Variants in CACNA1C observed in about 807,000 individuals in gnomAD.
CACNA1C encodes the protein calcium voltage-gated channel subunit alpha1 C.
CACNA1C carries 30 observed loss-of-function variants against 229.0 expected under a neutral mutation model. That is an observed-to-expected ratio of 0.13 (90% CI 0.10 to 0.18). The LOEUF (loss-of-function observed/expected upper bound fraction) is 0.18, where lower values mean the gene tolerates loss of function less well. CACNA1C is among the 10% of genes least tolerant of loss of function. CACNA1C has a pLI of 1.00. For missense variants in CACNA1C, 1,658 were observed against 2,845.0 expected (o/e 0.58, Z 9.49); for synonymous variants, 1,114 against 1,132.5 (o/e 0.98, Z 0.33).
Position 2,666,908 on chromosome 12 carries a change from C to A in CACNA1C, c.4623+126C>A. 1 of 675,654 alleles carries A rather than the reference C, an allele frequency of 1.5e-6. No homozygotes were observed. 41.9% of individuals were successfully genotyped at this position (675,654 alleles called of 1,614,324 possible). ...GCCTAAAGATTACATTTTAAGGGTC[C>A]TTCCAGCTCTAAATTCTCAGACTCT... On this transcript the variant is annotated intron_variant, in intron 37 of 46. Coordinates refer to ENST00000399655, the MANE Select transcript of CACNA1C (RefSeq NM_000719.7). This position sits in a 1 kb window ranked among gnomAD's most constrained non-coding sequence, Gnocchi z 5.3.
chr12:2,213,757 C>T (rs1409517601), intron 3 of CACNA1C, among the ~76,000 whole-genome samples: 2 of 152,222 alleles, frequency 1.3e-5, no homozygotes, highest in African/African-American at 2.4e-5. Flanking sequence ...ACGGAGGCAG[C>T]GTTGACAAGG....
Position 2,488,968 on chromosome 12 carries a change from G to T in CACNA1C, c.916+2706G>T, listed in dbSNP as rs1597844926. Among the ~76,000 whole-genome samples, 2 of 152,312 alleles carry T rather than the reference G, an allele frequency of 1.3e-5. No homozygotes were observed. Among genetic ancestry groups the T allele is most frequent in the East Asian group, 3.9e-4 (2 of 5,176 alleles). On this transcript the variant is annotated intron_variant, in intron 6 of 46. Transcript: ENST00000399655. The surrounding 1 kb of genome is among the most constrained non-coding windows in gnomAD (Gnocchi z 4.0). ...ACAGAGTGGGCAGTGCAGACAAGGA[G>T]GGAAAATACGCGAGAACCCAGACAT...
chr12:2,149,967 G>C (rs1182707732), intron 3 of CACNA1C, among the ~76,000 whole-genome samples: 1 of 152,160 alleles, frequency 6.6e-6, no homozygotes, highest in Admixed American at 6.5e-5. Flanking sequence ...TGAGGAGCCA[G>C]GTTATGATAA....
chr12:2,222,563 A>T (rs1051641418), intron 3 of CACNA1C: 1 of 152,178 alleles, frequency 6.6e-6, no homozygotes, highest in Admixed American at 6.5e-5. Flanking sequence ...TCAGGGCCCA[A>T]GTCTTTGACA....
chr12:2,572,684 TCTCTTCCTCCTTCTCCTCTTCCTCCTC>T (rs2056408620), intron 13 of CACNA1C, among the ~76,000 whole-genome samples: 7 of 94,394 alleles, frequency 7.4e-5, no homozygotes, highest in South Asian at 4.1e-4. Context: ...TCCTCCTTCT[TCTCTTCCTCCTTCTCCTCTTCCTCCTC>T]CTCTTCCTCC....
chr12:2,526,350 T>C (rs1408694937), intron 9 of CACNA1C, among the ~76,000 whole-genome samples: 2 of 152,210 alleles, frequency 1.3e-5, no homozygotes, highest in Non-Finnish European at 2.9e-5. Flanking sequence ...CACATCACAC[T>C]GGAGTGACCA....
rs1270768157 is a variant in CACNA1C, at chr12:1,998,012, T to C, written c.139+26811T>C. On this transcript the variant is annotated intron_variant, in intron 1 of 46. Transcript: ENST00000682462. ...AAACAAAACACACAAGACATGTATG[T>C]TCTCTTCAATTCACAAAGGTATAAA... The C allele has an allele frequency of 1.9e-6, 3 of 1,564,600 alleles. No individual in the cohort carries two copies. In the Admixed American group the frequency reaches 5.8e-5, roughly 30 times the overall value.
intron 9 of CACNA1C, among the ~76,000 whole-genome samples, chr12:2,530,061 A>G (rs1224985956): frequency 6.6e-6 from 1 of 152,280 alleles, no homozygotes; most frequent in East Asian, 1.9e-4. Context: ...AGTAAATGTT[A>G]TCACAAGCTG....
chr12:1,996,442 C>T (rs1238580150), intron 1 of CACNA1C, among the ~76,000 whole-genome samples: 1 of 151,798 alleles, frequency 6.6e-6, no homozygotes, highest in Admixed American at 6.6e-5. Flanking sequence ...CCTGTTGAGA[C>T]TGCCTTCCCT....
At chr12:1,978,167 C>T (rs1478579955) in intron 1 of CACNA1C, among the ~76,000 whole-genome samples, 2 of 152,174 alleles carry the variant, frequency 1.3e-5, no homozygotes, top group African/African-American at 4.8e-5. Context: ...GCAGATGTCG[C>T]AACCCAGAGA....
intron 3 of CACNA1C, among the ~76,000 whole-genome samples, chr12:2,227,419 A>G (rs1458197286): frequency 6.6e-6 from 1 of 152,226 alleles, no homozygotes; most frequent in Admixed American, 6.5e-5. Context: ...ACTTTTGGCA[A>G]GTTACCTAAC....
chr12:2,665,844 G>A lies in CACNA1C; in HGVS notation c.4526+136G>A, dbSNP rs2096062058. On this transcript the variant is annotated intron_variant, in intron 36 of 46. Coordinates refer to ENST00000399655, the MANE Select transcript of CACNA1C (RefSeq NM_000719.7). The surrounding 1 kb of genome is among the most constrained non-coding windows in gnomAD (Gnocchi z 5.9). ...ACTGGATTGTATCACACCCTAGGGT[G>A]AAAGGTCAAGGGCCAGCAGGAGGAG... The A allele has an allele frequency of 2.1e-5, 18 of 860,162 alleles. No homozygotes were observed. The East Asian group carries it at 3.9e-4, about 19-fold the overall frequency. The allele number at this position is 860,162 out of a possible 1,614,324, so 53.3% of individuals were successfully genotyped here. A position where few individuals can be genotyped will look rare whatever the true frequency, so the allele number is the denominator to read the frequency against.
intron 45 of CACNA1C, 22 bp downstream of exon 45, chr12:2,686,291 G>GGCCTGT: frequency 6.5e-7 from 1 of 1,543,014 alleles, no homozygotes; most frequent in Non-Finnish European, 9.0e-7. Context: ...TTTTGGACAG[G>GGCCTGT]CCACTGTCAC....
Position 2,504,754 on chromosome 12 carries a change from G to T in CACNA1C, c.1114-88G>T. 1 of 853,902 alleles carries T rather than the reference G, an allele frequency of 1.2e-6. No homozygotes were observed. Among genetic ancestry groups the T allele is most frequent in the Non-Finnish European group, 2.0e-6 (1 of 505,680 alleles). 52.9% of individuals were successfully genotyped at this position (853,902 alleles called of 1,614,324 possible). On this transcript the variant is annotated intron_variant, in intron 7 of 46. Coordinates refer to ENST00000399655, the MANE Select transcript of CACNA1C (RefSeq NM_000719.7). The surrounding 1 kb of genome is among the most constrained non-coding windows in gnomAD (Gnocchi z 6.8). ...GAGGGTCCCCGGATCCTGGCGCTGC[G>T]TGGGTCAGTGTCTCGGGAGCCGGGG...
chr12:2,076,455 G>C lies in CACNA1C; in HGVS notation c.49+22844G>C, dbSNP rs909855866. On this transcript the variant is annotated intron_variant, in intron 1 of 46. Coordinates refer to ENST00000399655, the MANE Select transcript of CACNA1C (RefSeq NM_000719.7). ...ACATGGGTCTGCTGCTTTTGGGAGCGGGCCATGTTTCTTCTCCCCTTCCTT... is the reference window on the plus strand; with the variant it reads ...ACATGGGTCTGCTGCTTTTGGGAGCCGGCCATGTTTCTTCTCCCCTTCCTT... Among the ~76,000 whole-genome samples, 53 of 151,984 alleles carry C rather than the reference G, an allele frequency of 3.5e-4. 1 individual carries two copies. The highest frequency in any genetic ancestry group is 2.6e-4 in the Admixed American group (4 of 15,264).
intron 9 of CACNA1C, among the ~76,000 whole-genome samples, chr12:2,525,567 CCCATGA>C (rs2099817181): frequency 6.6e-6 from 1 of 152,196 alleles, no homozygotes. Flanking sequence ...CTGTTTAATA[CCCATGA>C]CCATAAACAC....
chr12:2,060,246 A>G (rs981195064), intron 1 of CACNA1C, among the ~76,000 whole-genome samples: 9 of 152,132 alleles, frequency 5.9e-5, no homozygotes, highest in Admixed American at 2.6e-4. Flanking sequence ...TTCCCTGGTG[A>G]GCTGCTGGGA....
At chr12:2,465,281 G>A (rs2099543201) in intron 5 of CACNA1C, among the ~76,000 whole-genome samples, 1 of 152,134 alleles carries the variant, frequency 6.6e-6, no homozygotes, top group Admixed American at 6.5e-5. Flanking sequence ...AGCAGTTTGA[G>A]ACCAAAAATC....
intron 3 of CACNA1C, among the ~76,000 whole-genome samples, chr12:2,251,220 G>T (rs1444103740): frequency 2.6e-5 from 4 of 152,172 alleles, no homozygotes; most frequent in African/African-American, 9.7e-5. Flanking sequence ...TCAGCATAAG[G>T]TCATGGGGGT....
Sources: allele counts gnomAD v4.1 joint callset (sites outside exome capture counted in the v4.1 genomes callset), GRCh38; gene constraint gnomAD v4.1.1; non-coding constraint Gnocchi (gnomAD v3.1); transcripts MANE v1.5; gene names NCBI Gene and HGNC (gene_info 2026-07-23, HGNC 2026-07-21).